Variants in KCNT1 observed in about 807,000 individuals in gnomAD.
KCNT1 encodes the protein potassium channel subfamily T member 1.
In KCNT1, 78 loss-of-function variants were observed where a neutral mutation model predicts 147.8. The ratio of observed to expected loss-of-function variants is 0.53; its 90% CI spans 0.44 to 0.64. The LOEUF is 0.64. Among genes scored for constraint, KCNT1 ranks in the 30% least tolerant of loss-of-function variants. The probability of loss-of-function intolerance (pLI) is 0.00; values close to 1 mark genes in which losing one functional copy is unlikely to be tolerated. For synonymous variants in KCNT1, 867 were observed against 748.8 expected, an observed-to-expected ratio of 1.16 and a Z score of -2.58; for missense variants, 1,419 against 1,750.3, an observed-to-expected ratio of 0.81 and a Z score of 3.38.
intron 29 of KCNT1, among the ~76,000 whole-genome samples, chr9:135,787,767 C>T (rs756714922): frequency 7.9e-5 from 12 of 152,200 alleles, no homozygotes; most frequent in African/African-American, 2.7e-4. Context: ...GTCCCTGTCC[C>T]GGGAGGGACT....
At chr9:135,777,176 G>A (rs1020036632) in intron 20 of KCNT1, among the ~76,000 whole-genome samples, 162 bp from the exon 21 acceptor site, 4 of 151,898 alleles carry the variant, frequency 2.6e-5, no homozygotes, top group Admixed American at 6.6e-5. Context: ...GGTGGTGCCT[G>A]TAGCTCCCCA....
At chr9:135,777,102 A>G (rs1485328046) in intron 20 of KCNT1, among the ~76,000 whole-genome samples, 1 of 152,236 alleles carries the variant, frequency 6.6e-6, no homozygotes, top group Non-Finnish European at 1.5e-5. Context: ...GTTCACATGG[A>G]CACCGCCCTT....
intron 24 of KCNT1, 116 bp from the exon 25 acceptor site, chr9:135,783,908 C>T: frequency 1.3e-6 from 1 of 743,176 alleles, no homozygotes; most frequent in Non-Finnish European, 2.4e-6. Context: ...CACAAATGTG[C>T]ACACAGGTAT....
Position 135,779,481 on chromosome 9 carries a change from C to T in KCNT1, c.2841+11C>T, listed in dbSNP as rs901557898. The T allele has an allele frequency of 7.0e-6, 11 of 1,575,564 alleles. No individual in the cohort carries two copies. The African/African-American group carries it at 1.3e-4, about 19-fold the overall frequency. On this transcript the variant is annotated intron_variant, in intron 24 of 30. Transcript: ENST00000371757. ...TCCAAACTAGAAAAGGTGAGCAGCC[C>T]TGCCCCGTGCCAGCTGCCACCCCAG...
intron 28 of KCNT1, 137 bp downstream of exon 28, chr9:135,785,467 C>A (rs748431099): frequency 9.4e-7 from 1 of 1,067,234 alleles, no homozygotes; most frequent in South Asian, 1.4e-5. Flanking sequence ...GCGGGTCCCA[C>A]GGATGTGTCG....
intron 2 of KCNT1, among the ~76,000 whole-genome samples, chr9:135,745,432 G>A (rs1173446296): frequency 6.6e-6 from 1 of 152,216 alleles, no homozygotes; most frequent in Admixed American, 6.5e-5. Flanking sequence ...TCCCGCCTCT[G>A]CCCGTGGTCC....
At chr9:135,778,059 A>C (rs1833312253) in intron 21 of KCNT1, among the ~76,000 whole-genome samples, 2 of 146,956 alleles carry the variant, frequency 1.4e-5, no homozygotes, top group African/African-American at 5.1e-5. Context: ...CTCCCTTGTC[A>C]CTCCTTCTGT....
chr9:135,777,891 C>T (rs538773207), intron 21 of KCNT1, among the ~76,000 whole-genome samples: 118 of 151,450 alleles, frequency 7.8e-4, no homozygotes, highest in African/African-American at 2.6e-3. Flanking sequence ...CTCCCCACTC[C>T]CAGTTCCCCC....
At chr9:135,744,054 C>A (rs747676443) in intron 2 of KCNT1, among the ~76,000 whole-genome samples, 1 of 152,100 alleles carries the variant, frequency 6.6e-6, no homozygotes, top group Non-Finnish European at 1.5e-5. Context: ...AAGAGCCAGC[C>A]GGCACCCAGC....
intron 24 of KCNT1, 34 bp downstream of exon 24, chr9:135,779,504 C>T (rs769135277): frequency 2.1e-6 from 3 of 1,448,386 alleles, no homozygotes; most frequent in East Asian, 4.5e-5. Flanking sequence ...GCTGCCACCC[C>T]AGAATCCCAG....
intron 24 of KCNT1, among the ~76,000 whole-genome samples, chr9:135,780,027 G>A (rs1322270634): frequency 6.6e-5 from 10 of 152,256 alleles, no homozygotes; most frequent in Admixed American, 6.5e-4. Context: ...AAGTGGCTGA[G>A]CTGGAATTGG....
chr9:135,709,917 G>A (rs1835421186), intron 1 of KCNT1, among the ~76,000 whole-genome samples: 1 of 152,218 alleles, frequency 6.6e-6, no homozygotes, highest in Non-Finnish European at 1.5e-5. Context: ...CTGACCTCAG[G>A]TGATCCACCC....
Position 135,795,471 on chromosome 9 carries a change from AAG to A in KCNT1, c.*3312_*3313del, listed in dbSNP as rs1230336189. 1 of 152,170 alleles carries A rather than the reference AAG, an allele frequency of 6.6e-6. No individual in the cohort carries two copies. The highest frequency in any genetic ancestry group is 1.5e-5 in the Non-Finnish European group (1 of 68,046). The allele number at this position is 152,170 out of a possible 1,614,324, so 9.4% of individuals were successfully genotyped here. ...ACAAAACAAACAAACAAAAAAGAAAAAGAAAATAAAACTGTTTGCTCAAAATC... is the reference window on the plus strand; with the variant it reads ...ACAAAACAAACAAACAAAAAAGAAAAAAAATAAAACTGTTTGCTCAAAATC... On this transcript the variant is annotated 3_prime_UTR_variant, in exon 31 of 31. Transcript: ENST00000371757.
intron 2 of KCNT1, among the ~76,000 whole-genome samples, chr9:135,743,546 G>T (rs989922876): frequency 8.5e-5 from 13 of 152,162 alleles, no homozygotes; most frequent in Admixed American, 2.0e-4. Flanking sequence ...GCCACCACCG[G>T]ACCTCTATCT....
chr9:135,704,403 G>A (rs483324), intron 1 of KCNT1, among the ~76,000 whole-genome samples: 131,278 of 152,208 alleles, frequency 0.86, 57,219 homozygotes, highest in Non-Finnish European at 0.93. Flanking sequence ...CCATCAGGCC[G>A]GAAAGTGGGG....
chr9:135,734,834 C>T (rs536910041), intron 2 of KCNT1, among the ~76,000 whole-genome samples: 1 of 152,310 alleles, frequency 6.6e-6, no homozygotes, highest in South Asian at 2.1e-4. Flanking sequence ...GCTTCCTCCC[C>T]GCCCCAGGGT....
intron 2 of KCNT1, among the ~76,000 whole-genome samples, chr9:135,727,195 TTC>T (rs1257418236): frequency 4.9e-4 from 13 of 26,424 alleles, no homozygotes; most frequent in Non-Finnish European, 7.6e-4. Flanking sequence ...CTCTTTCCCA[TTC>T]TCTCTCTCCC....
chr9:135,746,943 G>A (rs1830861836), intron 2 of KCNT1, among the ~76,000 whole-genome samples: 1 of 152,116 alleles, frequency 6.6e-6, no homozygotes. Flanking sequence ...TGAGGTTGGT[G>A]GGGGATGGTT....
intron 1 of KCNT1, among the ~76,000 whole-genome samples, chr9:135,703,348 T>C (rs1010094706): frequency 2.0e-5 from 3 of 152,170 alleles, no homozygotes; most frequent in South Asian, 2.1e-4. Context: ...GGCTGCCTGT[T>C]TGTTCTATGG....
Sources: allele counts gnomAD v4.1 joint callset (sites outside exome capture counted in the v4.1 genomes callset), GRCh38; gene constraint gnomAD v4.1.1; transcripts MANE v1.5; gene names NCBI Gene and HGNC (gene_info 2026-07-23, HGNC 2026-07-21).